NUP210L: variants seen among roughly 807,000 people sequenced by gnomAD.
NUP210L encodes the protein nucleoporin 210 like.
In NUP210L, 74 loss-of-function variants were observed where a neutral mutation model predicts 208.5. The ratio of observed to expected loss-of-function variants is 0.35; its 90% CI spans 0.29 to 0.43. The LOEUF (loss-of-function observed/expected upper bound fraction) is 0.43, where lower values mean the gene tolerates loss of function less well. Ranked by LOEUF, NUP210L falls within the 20% of genes least tolerant of loss-of-function variation. The pLI is 1.00. For synonymous variants in NUP210L, 780 were observed against 816.9 expected, an observed-to-expected ratio of 0.95 and a Z score of 0.77; for missense variants, 1,843 against 2,289.4, an observed-to-expected ratio of 0.81 and a Z score of 3.98.
intron 25 of NUP210L, among the ~76,000 whole-genome samples, chr1:154,053,287 T>C (rs1191882367): frequency 3.3e-5 from 5 of 152,258 alleles, no homozygotes. Flanking sequence ...ATTTCGATGA[T>C]GATTGTGCTT....
intron 17 of NUP210L, among the ~76,000 whole-genome samples, chr1:154,066,143 T>C (rs1197104229): frequency 6.6e-6 from 1 of 152,052 alleles, no homozygotes; most frequent in African/African-American, 2.4e-5. Context: ...GAGGGAAATT[T>C]ATAGCACTAA....
chr1:154,117,913 C>G lies in NUP210L; in HGVS notation c.1465-33G>C, dbSNP rs371096957. 209 of 1,508,966 alleles carry G rather than the reference C, an allele frequency of 1.4e-4. No homozygotes were observed. Among genetic ancestry groups the G allele is most frequent in the Non-Finnish European group, 1.8e-4 (198 of 1,103,702 alleles). The allele number at this position is 1,508,966 out of a possible 1,614,324, so 93.5% of individuals were successfully genotyped here. A position where few individuals can be genotyped will look rare whatever the true frequency, so the allele number is the denominator to read the frequency against. On this transcript the variant is annotated intron_variant, in intron 11 of 39. Coordinates refer to ENST00000368559, the Ensembl canonical transcript of NUP210L. ...AACACACATTACATTTAATTACAAT[C>G]GGAAGAAAATAAAATTTAAGTGAAA...
chr1:154,100,320 G>A (rs554969929), intron 13 of NUP210L, among the ~76,000 whole-genome samples, 177 bp from the exon 14 acceptor site: 4 of 151,470 alleles, frequency 2.6e-5, no homozygotes, highest in Admixed American at 1.3e-4. Flanking sequence ...GCATGGTGGC[G>A]TGCACCTGTA....
intron 2 of NUP210L, among the ~76,000 whole-genome samples, chr1:154,151,164 T>G (rs577602815): frequency 6.6e-6 from 1 of 152,056 alleles, no homozygotes; most frequent in South Asian, 2.1e-4. Flanking sequence ...AAATCGCATA[T>G]GTGACCAAAT....
intron 27 of NUP210L, among the ~76,000 whole-genome samples, chr1:154,043,475 C>T (rs1242731071): frequency 1.3e-5 from 2 of 151,976 alleles, no homozygotes; most frequent in South Asian, 2.1e-4. Flanking sequence ...CCACCACACC[C>T]GGCTAATTTT....
At chr1:154,041,060 G>C (rs1306654035) in intron 27 of NUP210L, among the ~76,000 whole-genome samples, 1 of 152,100 alleles carries the variant, frequency 6.6e-6, no homozygotes, top group East Asian at 1.9e-4. Flanking sequence ...AACCTCCTGG[G>C]CTCAAGTGAT....
intron 27 of NUP210L, among the ~76,000 whole-genome samples, chr1:154,043,440 G>A (rs1328157541): frequency 2.0e-5 from 3 of 151,092 alleles, no homozygotes; most frequent in Non-Finnish European, 4.4e-5. Context: ...TCAGCCACCC[G>A]CGTAGCTGGG....
intron 35 of NUP210L, among the ~76,000 whole-genome samples, chr1:154,005,861 T>G (rs1204054558): frequency 6.6e-6 from 1 of 152,022 alleles, no homozygotes; most frequent in Non-Finnish European, 1.5e-5. Context: ...GTGGCTGGGA[T>G]TACAGGCATG....
At position 154,117,934 on chromosome 1, in the gene NUP210L, T is replaced by C. The variant is rs988756263; in HGVS notation, c.1465-54A>G. 1.7e-5 allele frequency: 23 copies of C among 1,330,710 alleles called. No homozygotes were observed. In the East Asian group the frequency reaches 5.1e-4, roughly 29 times the overall value. The allele number at this position is 1,330,710 out of a possible 1,614,324, so 82.4% of individuals were successfully genotyped here. On this transcript the variant is annotated intron_variant, in intron 11 of 39. Transcript: ENST00000368559. ...CAATCGGAAGAAAATAAAATTTAAG[T>C]GAAAATGTAAAACTTGACTGGTGAA...
intron 23 of NUP210L, 44 bp from the exon 24 acceptor site, chr1:154,054,876 C>A: frequency 2.3e-6 from 3 of 1,314,760 alleles, no homozygotes; most frequent in Non-Finnish European, 3.3e-6. Context: ...TAACTAGAGT[C>A]AATTTTATAA....
intron 35 of NUP210L, 30 bp from the exon 36 acceptor site, chr1:154,002,015 G>A (rs753753876): frequency 2.5e-6 from 4 of 1,609,640 alleles, no homozygotes; most frequent in Non-Finnish European, 2.5e-6. Context: ...AACTGAGCAG[G>A]AAGGTTCAGA....
intron 2 of NUP210L, among the ~76,000 whole-genome samples, chr1:154,148,850 T>G (rs930419478): frequency 6.6e-6 from 1 of 152,034 alleles, no homozygotes; most frequent in Non-Finnish European, 1.5e-5. Context: ...AAGGAAGTGT[T>G]CCAGGATGGT....
chr1:154,022,441 A>G, intron 31 of NUP210L, 98 bp from the exon 32 acceptor site: 1 of 884,584 alleles, frequency 1.1e-6, no homozygotes, highest in Non-Finnish European at 1.8e-6. Context: ...TCAACAGCTC[A>G]GAAGTTCAGA....
chr1:154,022,928 C>T (rs1166960641), intron 31 of NUP210L, among the ~76,000 whole-genome samples, 194 bp downstream of exon 31: 1 of 152,026 alleles, frequency 6.6e-6, no homozygotes, highest in Non-Finnish European at 1.5e-5. Flanking sequence ...CCTCCCTCCT[C>T]AGCCTCCCAA....
chr1:154,035,944 A>G (rs1652515576), intron 27 of NUP210L, among the ~76,000 whole-genome samples: 1 of 150,054 alleles, frequency 6.7e-6, no homozygotes, highest in Non-Finnish European at 1.5e-5. Context: ...CATCTTGGCC[A>G]GGCTGGTCTT....
chr1:153,993,497 C>T (rs368156648), intron 38 of NUP210L, among the ~76,000 whole-genome samples: 6 of 147,680 alleles, frequency 4.1e-5, no homozygotes, highest in East Asian at 4.0e-4. Context: ...ACCTGGGAGG[C>T]GGAGCTTGTA....
chr1:154,107,827 C>T (rs781687186), intron 12 of NUP210L, among the ~76,000 whole-genome samples: 5 of 152,086 alleles, frequency 3.3e-5, no homozygotes, highest in Non-Finnish European at 5.9e-5. Flanking sequence ...GATCATGCCA[C>T]TGCACTCCAG....
At chr1:154,061,620 T>G (rs1426625545) in exon 18 of NUP210L, 1 of 1,608,918 alleles carries the variant, frequency 6.2e-7, no homozygotes. Flanking sequence ...GCCCACAAAA[T>G]TGACTCCAAT....
At position 154,055,155 on chromosome 1, in the gene NUP210L, CTTTCTTTCT is replaced by C. The variant is rs1435660260; in HGVS notation, c.3241-332_3241-324del. On this transcript the variant is annotated intron_variant, in intron 23 of 39. Coordinates refer to ENST00000368559, the Ensembl canonical transcript of NUP210L. ...TCTTTCTTTCTTTCTTTCTTTCTTTCTTTCTTTCTTTCTTTCTTTCTTTCTTTCTTTCTT... is the reference window on the plus strand; with the variant it reads ...TCTTTCTTTCTTTCTTTCTTTCTTTCTTCTTTCTTTCTTTCTTTCTTTCTT... Among the ~76,000 whole-genome samples the C allele has an allele frequency of 1.2e-4, 13 of 108,760 alleles. 1 individual carries two copies. Among genetic ancestry groups the C allele is most frequent in the African/African-American group, 5.4e-4 (13 of 24,190 alleles). 71.4% of individuals were successfully genotyped at this position (108,760 alleles called of 152,430 possible).
Sources: gnomAD v4.1 joint callset for allele counts (sites outside exome capture counted in the v4.1 genomes callset) on GRCh38, gnomAD v4.1.1 for gene constraint, MANE v1.5 for transcripts, NCBI Gene and HGNC (gene_info 2026-07-23, HGNC 2026-07-21) for gene names.